PLXDC2: variants seen among roughly 807,000 people sequenced by gnomAD.
PLXDC2 encodes the protein plexin domain containing 2.
A neutral mutation model predicts 68.9 loss-of-function variants in PLXDC2; 40 were observed. The observed-to-expected ratio is 0.58, with a 90% CI of 0.45 to 0.76. The LOEUF is 0.76. PLXDC2 is among the 30% of genes least tolerant of loss of function. The pLI is 0.00. For synonymous variants in PLXDC2, 243 were observed against 234.2 expected (o/e 1.04, Z -0.34); for missense variants, 644 against 661.9 (o/e 0.97, Z 0.30).
At chr10:19,867,290 C>G (rs1382813313) in intron 1 of PLXDC2, among the ~76,000 whole-genome samples, 1 of 152,056 alleles carries the variant, frequency 6.6e-6, no homozygotes, top group Admixed American at 6.6e-5. Context: ...GTTTCAAACT[C>G]CTGACCTCAG....
At chr10:19,986,633 G>C (rs1253235589) in intron 1 of PLXDC2, among the ~76,000 whole-genome samples, 1 of 152,060 alleles carries the variant, frequency 6.6e-6, no homozygotes, top group African/African-American at 2.4e-5. Flanking sequence ...ACAAAAGGCA[G>C]GTTAAAACAC....
intron 11 of PLXDC2, among the ~76,000 whole-genome samples, chr10:20,218,077 G>C (rs1835163819): frequency 6.6e-6 from 1 of 152,110 alleles, no homozygotes; most frequent in African/African-American, 2.4e-5. Flanking sequence ...ATGTGTCATA[G>C]AAATTGTCCT....
chr10:20,151,731 A>G (rs1205109229), intron 6 of PLXDC2, among the ~76,000 whole-genome samples: 1 of 152,166 alleles, frequency 6.6e-6, no homozygotes, highest in Admixed American at 6.5e-5. Context: ...CTTCATTTGC[A>G]GAACTAACCA....
intron 1 of PLXDC2, among the ~76,000 whole-genome samples, chr10:19,915,808 G>A (rs1437773095): frequency 2.6e-5 from 4 of 151,656 alleles, no homozygotes; most frequent in Admixed American, 2.6e-4. Flanking sequence ...CATCCTTCTG[G>A]AACTGGAAGT....
intron 1 of PLXDC2, among the ~76,000 whole-genome samples, chr10:19,883,911 T>TTTTTTTTTTTTTTTG (rs1837788503): frequency 7.3e-6 from 1 of 136,798 alleles, no homozygotes; most frequent in African/African-American, 2.8e-5. Context: ...TTTTTTTTTT[T>TTTTTTTTTTTTTTTG]AGCAGACAGG....
At chr10:20,051,677 G>A (rs1354016317) in intron 3 of PLXDC2, among the ~76,000 whole-genome samples, 6 of 151,612 alleles carry the variant, frequency 4.0e-5, no homozygotes, top group Non-Finnish European at 4.4e-5. Flanking sequence ...GTGCTCTCCC[G>A]TGCTTTTATT....
At chr10:19,995,691 T>G (rs1441909194) in intron 1 of PLXDC2, among the ~76,000 whole-genome samples, 1 of 152,204 alleles carries the variant, frequency 6.6e-6, no homozygotes, top group Admixed American at 6.5e-5. Context: ...ATGCCTTCTG[T>G]GTTAACTCTC....
At chr10:20,226,114 C>G (rs1159018985) in intron 12 of PLXDC2, among the ~76,000 whole-genome samples, 1 of 152,192 alleles carries the variant, frequency 6.6e-6, no homozygotes, top group African/African-American at 2.4e-5. Context: ...TCCATTGGTC[C>G]TCACCTATAC....
chr10:19,964,640 T>A (rs2131605718), intron 1 of PLXDC2, among the ~76,000 whole-genome samples: 1 of 152,354 alleles, frequency 6.6e-6, no homozygotes, highest in South Asian at 2.1e-4. Flanking sequence ...CACACTATTG[T>A]CACAGCACTT....
At chr10:20,187,558 A>G (rs796726288) in intron 9 of PLXDC2, among the ~76,000 whole-genome samples, 33 of 151,972 alleles carry the variant, frequency 2.2e-4, no homozygotes, top group African/African-American at 7.0e-4. Context: ...AGTTATTGAC[A>G]TAACTGTAAT....
intron 1 of PLXDC2, among the ~76,000 whole-genome samples, chr10:19,873,575 G>C (rs1411503436): frequency 6.6e-6 from 1 of 151,988 alleles, no homozygotes. Flanking sequence ...GTGCACCACA[G>C]TTCCCAGCTA....
At chr10:19,824,079 C>T (rs1480246526) in intron 1 of PLXDC2, among the ~76,000 whole-genome samples, 1 of 152,144 alleles carries the variant, frequency 6.6e-6, no homozygotes, top group Non-Finnish European at 1.5e-5. Flanking sequence ...TTCTGCAATA[C>T]ATTTCACGGT....
intron 1 of PLXDC2, among the ~76,000 whole-genome samples, chr10:19,840,181 T>C (rs938649945): frequency 6.6e-5 from 10 of 152,138 alleles, no homozygotes; most frequent in Non-Finnish European, 1.0e-4. Context: ...TATCTATATA[T>C]AGTTGTGAAA....
intron 10 of PLXDC2, 134 bp from the exon 11 acceptor site, chr10:20,217,292 C>A: frequency 1.4e-6 from 1 of 734,116 alleles, no homozygotes. Context: ...TTAATATAGT[C>A]TTGTACAAAA....
intron 2 of PLXDC2, among the ~76,000 whole-genome samples, chr10:20,032,850 G>C (rs59190606): frequency 0.018 from 2,676 of 151,734 alleles, 76 homozygotes; most frequent in African/African-American, 0.061. Context: ...CAGAGGACTT[G>C]GGAATATCAT....
chr10:19,920,732 A>AT (rs888430179), intron 1 of PLXDC2, among the ~76,000 whole-genome samples: 1 of 151,606 alleles, frequency 6.6e-6, no homozygotes, highest in Non-Finnish European at 1.5e-5. Context: ...TAATTTTTGT[A>AT]TTTTTTGTAG....
At chr10:20,060,883 A>G (rs1374325531) in intron 3 of PLXDC2, among the ~76,000 whole-genome samples, 1 of 152,156 alleles carries the variant, frequency 6.6e-6, no homozygotes, top group South Asian at 2.1e-4. Flanking sequence ...AGAAATATAG[A>G]AATTATACAG....
chr10:19,835,487 C>A (rs952311964), intron 1 of PLXDC2, among the ~76,000 whole-genome samples: 1 of 152,176 alleles, frequency 6.6e-6, no homozygotes, highest in Admixed American at 6.5e-5. Flanking sequence ...ATGGGACATA[C>A]CAGTGAAGAC....
At chr10:20,222,895 T>G (rs978415434) in intron 12 of PLXDC2, among the ~76,000 whole-genome samples, 2 of 152,200 alleles carry the variant, frequency 1.3e-5, no homozygotes, top group African/African-American at 2.4e-5. Flanking sequence ...AACTGAAATA[T>G]TTCTAGTTAC....
Sources: gnomAD v4.1 joint callset for allele counts (sites outside exome capture counted in the v4.1 genomes callset) on GRCh38, gnomAD v4.1.1 for gene constraint, MANE v1.5 for transcripts, NCBI Gene and HGNC (gene_info 2026-07-23, HGNC 2026-07-21) for gene names.